KCTD8: variants seen among roughly 807,000 people sequenced by gnomAD.
The protein encoded by KCTD8 is BTB/POZ domain-containing protein KCTD8.
Under a neutral mutation model 31.5 loss-of-function variants are expected in KCTD8, and 27 were observed. The observed-to-expected ratio is 0.86, with a 90% confidence interval of 0.63 to 1.18. The LOEUF (loss-of-function observed/expected upper bound fraction) is 1.18. Among genes scored for constraint, KCTD8 ranks in the 50% most tolerant of loss-of-function variants. KCTD8 has a pLI of 0.00. For missense variants in KCTD8, 658 were observed against 647.7 expected, an observed-to-expected ratio of 1.02 and a Z score of -0.17; for synonymous variants, 290 against 280.0, an observed-to-expected ratio of 1.04 and a Z score of -0.36.
chr4:44,435,651 G>A (rs1721626160), intron 1 of KCTD8, among the ~76,000 whole-genome samples: 1 of 152,058 alleles, frequency 6.6e-6, no homozygotes, highest in African/African-American at 2.4e-5. Flanking sequence ...TGTTTTTGCA[G>A]AAATGAAATG....
At chr4:44,255,308 C>A (rs1231754975) in intron 1 of KCTD8, among the ~76,000 whole-genome samples, 1 of 151,866 alleles carries the variant, frequency 6.6e-6, no homozygotes, top group South Asian at 2.1e-4. Context: ...CAGTCACCAA[C>A]CATCTTATTC....
intron 1 of KCTD8, among the ~76,000 whole-genome samples, chr4:44,230,043 A>C (rs1312081935): frequency 6.6e-6 from 1 of 151,664 alleles, no homozygotes; most frequent in Non-Finnish European, 1.5e-5. Context: ...GGCCTTATTA[A>C]ATCAACTTCC....
chr4:44,193,019 C>T (rs1713810641), intron 1 of KCTD8, among the ~76,000 whole-genome samples: 1 of 152,134 alleles, frequency 6.6e-6, no homozygotes, highest in Admixed American at 6.5e-5. Context: ...TGAGATAATA[C>T]TTCTTAATAA....
intron 1 of KCTD8, among the ~76,000 whole-genome samples, chr4:44,283,464 G>A (rs1008552428): frequency 6.6e-6 from 1 of 152,092 alleles, no homozygotes; most frequent in Non-Finnish European, 1.5e-5. Flanking sequence ...TGACTCTCTT[G>A]TTAGGGTCTA....
At chr4:44,353,832 C>T (rs933365298) in intron 1 of KCTD8, among the ~76,000 whole-genome samples, 2 of 152,114 alleles carry the variant, frequency 1.3e-5, no homozygotes, top group African/African-American at 4.8e-5. Context: ...TCTCTAATCA[C>T]TGTTTACCTC....
chr4:44,367,120 T>C (rs1190408031), intron 1 of KCTD8, among the ~76,000 whole-genome samples: 1 of 152,140 alleles, frequency 6.6e-6, no homozygotes, highest in Non-Finnish European at 1.5e-5. Flanking sequence ...CGCAGGCTGT[T>C]CCTTCTTCCT....
chr4:44,342,150 T>C (rs1718918318), intron 1 of KCTD8, among the ~76,000 whole-genome samples: 1 of 152,038 alleles, frequency 6.6e-6, no homozygotes, highest in African/African-American at 2.4e-5. Context: ...GGCAGGCAGA[T>C]CACAAGATCA....
chr4:44,295,017 G>A (rs898707713), intron 1 of KCTD8, among the ~76,000 whole-genome samples: 15 of 152,140 alleles, frequency 9.9e-5, no homozygotes, highest in African/African-American at 3.6e-4. Context: ...ACTAGGTCCC[G>A]CAGGGTGGCT....
intron 1 of KCTD8, among the ~76,000 whole-genome samples, chr4:44,327,913 A>C (rs999487496): frequency 1.3e-5 from 2 of 151,944 alleles, no homozygotes; most frequent in African/African-American, 4.8e-5. Flanking sequence ...TTTAAAATAC[A>C]AACATTTGGT....
At chr4:44,248,532 T>C (rs1715733855) in intron 1 of KCTD8, among the ~76,000 whole-genome samples, 1 of 151,964 alleles carries the variant, frequency 6.6e-6, no homozygotes, top group Non-Finnish European at 1.5e-5. Flanking sequence ...TATTAACCTT[T>C]CTGCCTGCAA....
chr4:44,335,905 C>T (rs1445139722), intron 1 of KCTD8, among the ~76,000 whole-genome samples: 2 of 151,952 alleles, frequency 1.3e-5, no homozygotes, highest in East Asian at 3.9e-4. Context: ...AATCCCAGCA[C>T]TTTGGGAGGC....
intron 1 of KCTD8, among the ~76,000 whole-genome samples, chr4:44,209,353 C>T (rs1421874403): frequency 6.6e-6 from 1 of 152,134 alleles, no homozygotes; most frequent in Non-Finnish European, 1.5e-5. Flanking sequence ...TCTTTTATTT[C>T]ACCCTATTGA....
chr4:44,351,511 G>A (rs543302405), intron 1 of KCTD8, among the ~76,000 whole-genome samples: 78 of 152,134 alleles, frequency 5.1e-4, no homozygotes, highest in African/African-American at 1.8e-3. Context: ...TTTGTCATTG[G>A]TTTTTAAATT....
At chr4:44,246,968 A>ATTGTT (rs576193585) in intron 1 of KCTD8, among the ~76,000 whole-genome samples, 1 of 151,896 alleles carries the variant, frequency 6.6e-6, no homozygotes, top group African/African-American at 2.4e-5. Context: ...ATTGTGTCAC[A>ATTGTT]TTGTTTTGTT....
chr4:44,281,745 G>A (rs1023362485), intron 1 of KCTD8, among the ~76,000 whole-genome samples: 4 of 152,090 alleles, frequency 2.6e-5, no homozygotes, highest in Non-Finnish European at 4.4e-5. Context: ...GTACCAAGAC[G>A]AGACAACTTT....
At chr4:44,216,331 A>G (rs1169508606) in intron 1 of KCTD8, among the ~76,000 whole-genome samples, 1 of 152,166 alleles carries the variant, frequency 6.6e-6, no homozygotes, top group Non-Finnish European at 1.5e-5. Flanking sequence ...TGATATTATT[A>G]CTAGGTTTTG....
intron 1 of KCTD8, among the ~76,000 whole-genome samples, chr4:44,438,719 T>C (rs2109482667): frequency 6.6e-6 from 1 of 152,246 alleles, no homozygotes; most frequent in Non-Finnish European, 1.5e-5. Context: ...TCAACTTCCT[T>C]AAAAAGAAAA....
intron 1 of KCTD8, among the ~76,000 whole-genome samples, chr4:44,371,534 C>T (rs1204617932): frequency 6.6e-6 from 1 of 151,940 alleles, no homozygotes; most frequent in Non-Finnish European, 1.5e-5. Flanking sequence ...TATAGGTAGT[C>T]GTTAAAAGTA....
At chr4:44,281,986 T>C (rs1716917016) in intron 1 of KCTD8, among the ~76,000 whole-genome samples, 1 of 152,066 alleles carries the variant, frequency 6.6e-6, no homozygotes, top group Admixed American at 6.6e-5. Flanking sequence ...TTAATAAATA[T>C]TCTAAAATAA....
Sources: gnomAD v4.1 joint callset for allele counts (sites outside exome capture counted in the v4.1 genomes callset) on GRCh38, gnomAD v4.1.1 for gene constraint, MANE v1.5 for transcripts, NCBI Gene and HGNC (gene_info 2026-07-23, HGNC 2026-07-21) for gene names.